Variants in MDGA2 observed in about 807,000 individuals in gnomAD.
The protein encoded by MDGA2 is MAM domain containing glycosylphosphatidylinositol anchor 2.
A neutral mutation model predicts 117.8 loss-of-function variants in MDGA2; 40 were observed. That is an observed-to-expected ratio of 0.34 (90% CI 0.26 to 0.44). MDGA2 has a LOEUF of 0.44. Among genes scored for constraint, MDGA2 ranks in the 20% least tolerant of loss-of-function variants. The pLI, the probability that MDGA2 is intolerant of heterozygous loss-of-function variation, is 1.00. For missense variants in MDGA2, 1,123 were observed against 1,250.6 expected, an observed-to-expected ratio of 0.90 and a Z score of 1.54; for synonymous variants, 452 against 439.0, an observed-to-expected ratio of 1.03 and a Z score of -0.37.
chr14:47,033,470 T>A (rs575554533), intron 8 of MDGA2, among the ~76,000 whole-genome samples: 6 of 152,150 alleles, frequency 3.9e-5, no homozygotes, highest in Non-Finnish European at 7.4e-5. Flanking sequence ...CCAAATTACA[T>A]CAAATTCCTT....
At position 47,243,544 on chromosome 14, in the gene MDGA2, C is replaced by T. The variant is rs527287827; in HGVS notation, c.421-25349G>A. On this transcript the variant is annotated intron_variant, in intron 2 of 16. Coordinates refer to ENST00000399232, the MANE Select transcript of MDGA2 (RefSeq NM_001113498.3). ...TCTGCAGCTTCACTCCTGAGCCCAGCGAGACCACGAGCCCACCAGGAGGAA... is the reference window on the plus strand; with the variant it reads ...TCTGCAGCTTCACTCCTGAGCCCAGTGAGACCACGAGCCCACCAGGAGGAA... Among the ~76,000 whole-genome samples, 26 of 151,348 alleles carry T rather than the reference C, an allele frequency of 1.7e-4. No individual in the cohort carries two copies. In the South Asian group the frequency reaches 4.8e-3, roughly 28 times the overall value.
chr14:47,577,467 G>A (rs546417106), intron 1 of MDGA2, among the ~76,000 whole-genome samples: 13 of 152,170 alleles, frequency 8.5e-5, no homozygotes, highest in Middle Eastern at 3.4e-3. Context: ...AAAAGCTTCT[G>A]CACAGCAAAA....
chr14:46,905,821 T>C (rs1487328273), intron 10 of MDGA2, among the ~76,000 whole-genome samples: 1 of 152,066 alleles, frequency 6.6e-6, no homozygotes, highest in African/African-American at 2.4e-5. Flanking sequence ...CAAATCTCTT[T>C]GGTGAGCAGC....
intron 2 of MDGA2, among the ~76,000 whole-genome samples, chr14:47,231,539 G>A (rs760637158): frequency 6.6e-6 from 1 of 151,888 alleles, no homozygotes; most frequent in South Asian, 2.1e-4. Context: ...TGTAACTCTT[G>A]GTAAAGTGAG....
At chr14:47,192,470 C>A (rs1885150823) in intron 3 of MDGA2, among the ~76,000 whole-genome samples, 1 of 151,736 alleles carries the variant, frequency 6.6e-6, no homozygotes, top group Admixed American at 6.6e-5. Flanking sequence ...CAAAAATTAG[C>A]CTGGTGTGGT....
At chr14:47,055,817 G>A (rs1889655013) in intron 7 of MDGA2, among the ~76,000 whole-genome samples, 1 of 152,070 alleles carries the variant, frequency 6.6e-6, no homozygotes, top group African/African-American at 2.4e-5. Flanking sequence ...ATAGCAGAGT[G>A]GAATAGTTGT....
chr14:47,423,610 G>A (rs1428994480), intron 1 of MDGA2, among the ~76,000 whole-genome samples: 1 of 151,956 alleles, frequency 6.6e-6, no homozygotes. Flanking sequence ...GATGGAAACT[G>A]AAATTTAGTA....
chr14:47,476,067 A>C (rs1391750520), intron 1 of MDGA2, among the ~76,000 whole-genome samples: 2 of 152,226 alleles, frequency 1.3e-5, no homozygotes, highest in African/African-American at 4.8e-5. Context: ...ATTTAAAATC[A>C]ATTTAACAAA....
intron 10 of MDGA2, among the ~76,000 whole-genome samples, chr14:46,896,020 A>G (rs1883063133): frequency 6.6e-6 from 1 of 152,148 alleles, no homozygotes; most frequent in African/African-American, 2.4e-5. Flanking sequence ...AATTATTTAT[A>G]ATAATAGCTA....
intron 1 of MDGA2, among the ~76,000 whole-genome samples, chr14:47,520,833 T>A (rs574483638): frequency 1.5e-3 from 221 of 152,312 alleles, no homozygotes; most frequent in African/African-American, 4.9e-3. Flanking sequence ...AAACTTCACT[T>A]GAGTTAAAGA....
chr14:47,584,908 C>A (rs781748546), intron 1 of MDGA2, among the ~76,000 whole-genome samples: 3 of 151,796 alleles, frequency 2.0e-5, no homozygotes, highest in Non-Finnish European at 4.4e-5. Flanking sequence ...ATGCCTTCCT[C>A]TTCAACCTGA....
intron 8 of MDGA2, among the ~76,000 whole-genome samples, chr14:47,013,236 C>T (rs142775994): frequency 5.6e-4 from 86 of 152,234 alleles, no homozygotes; most frequent in South Asian, 1.9e-3. Context: ...GCTTAATCAA[C>T]GAAGTTTGTA....
At chr14:47,131,650 A>G in intron 5 of MDGA2, 64 bp downstream of exon 5, 1 of 1,321,020 alleles carries the variant, frequency 7.6e-7, no homozygotes, top group Non-Finnish European at 1.0e-6. Context: ...TAAAAAAGTT[A>G]AAGAGAGTTT....
At chr14:47,441,887 A>T (rs1893019643) in intron 1 of MDGA2, among the ~76,000 whole-genome samples, 1 of 152,218 alleles carries the variant, frequency 6.6e-6, no homozygotes, top group Non-Finnish European at 1.5e-5. Context: ...GTATCTTGGG[A>T]TAGAATCAGT....
chr14:47,274,975 T>C (rs1432919935), intron 2 of MDGA2, among the ~76,000 whole-genome samples: 2 of 152,162 alleles, frequency 1.3e-5, no homozygotes, highest in East Asian at 3.8e-4. Context: ...CCTGATCAGA[T>C]ATATGATTTA....
rs116389681 is a variant in MDGA2, at chr14:47,591,107, T to C, written c.280+83410A>G. On this transcript the variant is annotated intron_variant, in intron 1 of 16. Transcript: ENST00000399232. The stretch of plus-strand genomic sequence containing the variant: ...AGTCAAAAGAAATGATTCTAGTCTA[T>C]GGAATCTTATAACATTTTAGTACCA... 5.9e-3 allele frequency among the ~76,000 whole-genome samples: 892 copies of C among 152,204 alleles called. 9 individuals carry two copies. Among genetic ancestry groups the C allele is most frequent in the African/African-American group, 0.02 (831 of 41,558 alleles).
chr14:47,573,366 C>T (rs2138825495), intron 1 of MDGA2, among the ~76,000 whole-genome samples: 1 of 152,236 alleles, frequency 6.6e-6, no homozygotes, highest in Middle Eastern at 3.4e-3. Flanking sequence ...AAGTAGCTTG[C>T]TATCAGCCAC....
intron 8 of MDGA2, among the ~76,000 whole-genome samples, chr14:47,016,259 G>A (rs1888079757): frequency 6.6e-6 from 1 of 152,034 alleles, no homozygotes; most frequent in African/African-American, 2.4e-5. Context: ...ATTCTTCATA[G>A]GATTGCTCTG....
chr14:47,213,880 TACAATC>T (rs1885978591), intron 3 of MDGA2, among the ~76,000 whole-genome samples: 1 of 152,162 alleles, frequency 6.6e-6, no homozygotes, highest in Admixed American at 6.6e-5. Context: ...TCAGTAAACT[TACAATC>T]ACAGCGGAAG....
Sources: allele counts gnomAD v4.1 joint callset (sites outside exome capture counted in the v4.1 genomes callset), GRCh38; gene constraint gnomAD v4.1.1; transcripts MANE v1.5; gene names NCBI Gene and HGNC (gene_info 2026-07-23, HGNC 2026-07-21).